Variants in SCN8A observed in about 807,000 individuals in gnomAD.
The protein encoded by SCN8A is sodium channel protein type 8 subunit alpha.
Under a neutral mutation model 184.1 loss-of-function variants are expected in SCN8A, and 30 were observed. That is an observed-to-expected ratio of 0.16 (90% confidence interval 0.12 to 0.22). SCN8A has a LOEUF of 0.22. Among genes scored for constraint, SCN8A ranks in the 10% least tolerant of loss-of-function variants. The pLI is 1.00. For missense variants in SCN8A, 1,057 were observed against 2,498.9 expected (o/e 0.42, Z 12.30); for synonymous variants, 852 against 907.0 (o/e 0.94, Z 1.09).
intron 12 of SCN8A, among the ~76,000 whole-genome samples, chr12:51,728,258 G>A (rs1442544687): frequency 1.3e-5 from 2 of 152,060 alleles, no homozygotes; most frequent in African/African-American, 2.4e-5. Context: ...TCTACAAATG[G>A]ACAATGACTA....
Position 51,678,905 on chromosome 12 carries a change from G to A in SCN8A, c.277-5269G>A, listed in dbSNP as rs1028467791. Among the ~76,000 whole-genome samples, 89 of 151,428 alleles carry A rather than the reference G, an allele frequency of 5.9e-4. 1 individual carries two copies. The highest frequency in any genetic ancestry group is 2.1e-3 in the African/African-American group (85 of 41,256). On this transcript the variant is annotated intron_variant, in intron 2 of 26. Transcript: ENST00000627620. ...ATCCTGGCTAACACGGTGAAACCCC[G>A]TCTCTACTAAAAATACAAAAATTAG...
intron 1 of SCN8A, among the ~76,000 whole-genome samples, chr12:51,601,580 A>T (rs1026934301): frequency 6.6e-6 from 1 of 152,254 alleles, no homozygotes; most frequent in East Asian, 1.9e-4. Context: ...AAATAAATTC[A>T]TCTTTGTGTT....
intron 12 of SCN8A, among the ~76,000 whole-genome samples, chr12:51,729,292 A>T (rs542357195): frequency 8.5e-5 from 13 of 152,088 alleles, no homozygotes; most frequent in Non-Finnish European, 1.8e-4. Context: ...TAAACCCATC[A>T]TTACCATAAG....
intron 12 of SCN8A, among the ~76,000 whole-genome samples, chr12:51,731,440 G>A (rs902147441): frequency 6.6e-5 from 10 of 151,910 alleles, no homozygotes; most frequent in South Asian, 2.1e-4. Context: ...TAGTAGAGAC[G>A]GGGTTTTACC....
At chr12:51,742,192 A>C (rs187014244) in intron 12 of SCN8A, among the ~76,000 whole-genome samples, 194 of 152,316 alleles carry the variant, frequency 1.3e-3, no homozygotes, top group Non-Finnish European at 2.4e-3. Flanking sequence ...TTGGCTTATC[A>C]TAACACTGTA....
At position 51,645,963 on chromosome 12, in the gene SCN8A, A is replaced by ATAAT. The variant is rs35442321; in HGVS notation, c.-54-16801_-54-16800insTAAT. On this transcript the variant is annotated intron_variant, in intron 1 of 26. Transcript: ENST00000627620. ...AGAATGATCAATTAAAAAAAAAAAA[A>ATAAT]AATAATAATAAAATAAAATTAAATA... 3.8e-3 allele frequency among the ~76,000 whole-genome samples: 504 copies of ATAAT among 134,078 alleles called. 8 individuals carry two copies. The highest frequency in any genetic ancestry group is 0.013 in the African/African-American group (446 of 34,820). The allele number at this position is 134,078 out of a possible 152,430, so 88.0% of individuals were successfully genotyped here. A position where few individuals can be genotyped will look rare whatever the true frequency, so the allele number is the denominator to read the frequency against.
intron 1 of SCN8A, among the ~76,000 whole-genome samples, chr12:51,595,149 C>T (rs1015428082): frequency 2.0e-5 from 3 of 152,144 alleles, no homozygotes; most frequent in African/African-American, 4.8e-5. Flanking sequence ...TAGTACAATG[C>T]CTCTCTAAGC....
At chr12:51,638,801 A>G (rs1940376904) in intron 1 of SCN8A, among the ~76,000 whole-genome samples, 1 of 151,656 alleles carries the variant, frequency 6.6e-6, no homozygotes, top group African/African-American at 2.4e-5. Context: ...AGTTATTCTA[A>G]CCCTCATGAA....
intron 1 of SCN8A, among the ~76,000 whole-genome samples, chr12:51,653,865 TTTTG>T (rs1940768617): frequency 6.6e-6 from 1 of 152,214 alleles, no homozygotes; most frequent in Admixed American, 6.5e-5. Context: ...AGGTAAGAAA[TTTTG>T]TTTGTGTTTT....
At chr12:51,605,412 C>G (rs923852194) in intron 1 of SCN8A, among the ~76,000 whole-genome samples, 3 of 152,208 alleles carry the variant, frequency 2.0e-5, no homozygotes, top group Non-Finnish European at 4.4e-5. Flanking sequence ...TAGGTCATTG[C>G]AAATGCCGTT....
chr12:51,753,632 T>C (rs948579891), intron 14 of SCN8A, among the ~76,000 whole-genome samples: 2 of 152,214 alleles, frequency 1.3e-5, no homozygotes, highest in Non-Finnish European at 2.9e-5. Context: ...ATTTGGGTTT[T>C]CATTCCTATT....
chr12:51,758,663 C>G (rs1180858557), intron 14 of SCN8A, among the ~76,000 whole-genome samples: 2 of 152,188 alleles, frequency 1.3e-5, no homozygotes, highest in South Asian at 4.1e-4. Flanking sequence ...GTCTTGAACT[C>G]CTGACCTCAA....
At chr12:51,660,210 G>C (rs928435848) in intron 1 of SCN8A, among the ~76,000 whole-genome samples, 2 of 152,098 alleles carry the variant, frequency 1.3e-5, no homozygotes, top group Non-Finnish European at 2.9e-5. Context: ...TACAGGAAAA[G>C]GTACAATTGA....
chr12:51,715,563 C>T (rs566081244), intron 11 of SCN8A, among the ~76,000 whole-genome samples: 1 of 143,200 alleles, frequency 7.0e-6, no homozygotes, highest in Non-Finnish European at 1.5e-5. Flanking sequence ...GAGGCTGAGG[C>T]AGGAGAATAG....
At chr12:51,618,982 A>G (rs1409117790) in intron 1 of SCN8A, among the ~76,000 whole-genome samples, 4 of 152,186 alleles carry the variant, frequency 2.6e-5, no homozygotes, top group African/African-American at 9.7e-5. Context: ...TAAGAGAGGT[A>G]AGTCTTCCTC....
At chr12:51,610,761 C>G (rs1939704221) in intron 1 of SCN8A, among the ~76,000 whole-genome samples, 1 of 152,186 alleles carries the variant, frequency 6.6e-6, no homozygotes, top group Non-Finnish European at 1.5e-5. Flanking sequence ...GATGAGAAAT[C>G]TGCTGTTAAT....
chr12:51,770,550 G>A lies in SCN8A; in HGVS notation c.3512G>A (p.Cys1171Tyr), dbSNP rs2138871534. Residue 1171 changes from cysteine to tyrosine, a missense_variant, in exon 19 of 27, where the codon TGC becomes TAC. Transcript: ENST00000627620. ...CCAGGTTGTGTCCAGCGGTTCAAGT[G>A]CTGCCAGGTCAACATCGAGGAAGGG... ...FTEGCVQRFKCCQVNIEEGLG... is the reference protein window; with the variant it reads ...FTEGCVQRFKYCQVNIEEGLG... The A allele has an allele frequency of 1.9e-6, 3 of 1,610,422 alleles. No homozygotes were observed. The highest frequency in any genetic ancestry group is 1.7e-4 in the Middle Eastern group (1 of 6,052).
rs796653928 is a variant in SCN8A, at chr12:51,663,903, A to ATTTTTTTTTTTTT, written c.276+822_276+834dup. On this transcript the variant is annotated intron_variant, in intron 2 of 26. Coordinates refer to ENST00000627620, the MANE Select transcript of SCN8A (RefSeq NM_001330260.2). ...TTTTAGGGAACCCCTCATTTGACAG[A>ATTTTTTTTTTTTT]TTTTTTTTTTTTTTTTTTTTTTTTG... Among the ~76,000 whole-genome samples the ATTTTTTTTTTTTT allele has an allele frequency of 1.3e-4, 9 of 69,820 alleles. 1 individual carries two copies. Among genetic ancestry groups the ATTTTTTTTTTTTT allele is most frequent in the East Asian group, 5.7e-4 (1 of 1,748 alleles). 45.8% of individuals were successfully genotyped at this position (69,820 alleles called of 152,430 possible). A position where few individuals can be genotyped will look rare whatever the true frequency, so the allele number is the denominator to read the frequency against.
rs143766268 is a variant in SCN8A at position 51,703,099 on chromosome 12, T to C, written c.1134+185T>C. Among the ~76,000 whole-genome samples, 127 of 152,346 alleles carry C rather than the reference T, an allele frequency of 8.3e-4. No homozygotes were observed. In the Middle Eastern group the frequency reaches 0.01, roughly 12 times the overall value. Reference sequence around the variant, plus strand: ...GTTCTCATCCCTGTTTCTCGAATGCTCAGTCATGTATAGCTGTAGACTCTT... The same window carrying C: ...GTTCTCATCCCTGTTTCTCGAATGCCCAGTCATGTATAGCTGTAGACTCTT... On this transcript the variant is annotated intron_variant, in intron 9 of 26. Transcript: ENST00000627620.
Sources: gnomAD v4.1 joint callset for allele counts (sites outside exome capture counted in the v4.1 genomes callset) on GRCh38, gnomAD v4.1.1 for gene constraint, MANE v1.5 for transcripts, NCBI Gene and HGNC (gene_info 2026-07-23, HGNC 2026-07-21) for gene names.